The following PTPRD variants were observed in gnomAD, a reference collection of about 807,000 sequenced individuals.
PTPRD encodes the protein protein tyrosine phosphatase receptor type D, also known as receptor-type tyrosine-protein phosphatase delta.
In PTPRD, 34 loss-of-function variants were observed where a neutral mutation model predicts 214.5. That is an observed-to-expected ratio of 0.16 (90% CI 0.12 to 0.21). The LOEUF (loss-of-function observed/expected upper bound fraction) is 0.21, where lower values mean the gene tolerates loss of function less well. PTPRD is among the 10% of genes least tolerant of loss of function. PTPRD has a pLI of 1.00. For missense variants in PTPRD, 2,545 were observed against 2,398.7 expected (o/e 1.06, Z -1.27); for synonymous variants, 1,128 against 845.7 (o/e 1.33, Z -5.79).
intron 35 of PTPRD, among the ~76,000 whole-genome samples, chr9:8,430,991 A>G (rs1356590068): frequency 6.6e-6 from 1 of 152,194 alleles, no homozygotes; most frequent in African/African-American, 2.4e-5. Flanking sequence ...ATATTTTCTC[A>G]GCACTGAGCA....
chr9:10,377,544 G>GA (rs2097755439), intron 2 of PTPRD, among the ~76,000 whole-genome samples: 1 of 151,002 alleles, frequency 6.6e-6, no homozygotes, highest in African/African-American at 2.4e-5. Context: ...GGCGATGTTT[G>GA]TTTTTTTTGT....
chr9:8,724,043 T>C (rs1245540688), intron 12 of PTPRD, among the ~76,000 whole-genome samples: 1 of 152,200 alleles, frequency 6.6e-6, no homozygotes, highest in Admixed American at 6.5e-5. Flanking sequence ...GTAATGTCTT[T>C]TGTAGTAAGG....
At chr9:8,447,915 G>A (rs1455122202) in intron 34 of PTPRD, among the ~76,000 whole-genome samples, 1 of 152,178 alleles carries the variant, frequency 6.6e-6, no homozygotes, top group East Asian at 1.9e-4. Context: ...TTTACAGGGT[G>A]ATGAGGTAAG....
intron 35 of PTPRD, among the ~76,000 whole-genome samples, chr9:8,413,471 T>TA (rs891103018): frequency 2.0e-5 from 3 of 152,098 alleles, no homozygotes; most frequent in Non-Finnish European, 4.4e-5. Flanking sequence ...AATAATCACT[T>TA]AAAAAACTCT....
At chr9:9,190,469 A>G (rs2099934435) in intron 9 of PTPRD, among the ~76,000 whole-genome samples, 1 of 151,986 alleles carries the variant, frequency 6.6e-6, no homozygotes, top group South Asian at 2.1e-4. Flanking sequence ...CCATGTAAGA[A>G]GTGCCTTTCA....
intron 7 of PTPRD, among the ~76,000 whole-genome samples, chr9:9,687,479 T>A (rs557229918): frequency 6.6e-6 from 1 of 151,814 alleles, no homozygotes; most frequent in African/African-American, 2.4e-5. Flanking sequence ...ACACCAGTTA[T>A]GTTTTCTCTA....
intron 12 of PTPRD, among the ~76,000 whole-genome samples, chr9:8,668,920 T>C (rs1475213352): frequency 2.0e-5 from 3 of 152,084 alleles, no homozygotes; most frequent in Non-Finnish European, 4.4e-5. Flanking sequence ...GACCAAAATA[T>C]ACCAGAGCAG....
In PTPRD at chr9:10,353,322, A is replaced by G. The variant is rs545545933; in HGVS notation, c.-599-12305T>C. 8.5e-5 allele frequency among the ~76,000 whole-genome samples: 13 copies of G among 152,084 alleles called. No homozygotes were observed. In the South Asian group the frequency reaches 2.5e-3, roughly 29 times the overall value. On this transcript the variant is annotated intron_variant, in intron 2 of 45. Coordinates refer to ENST00000381196, the MANE Select transcript of PTPRD (RefSeq NM_002839.4). ...ATAATGGTCCTAGGATAAGAATGGA[A>G]CCACTAAGGACAAAATCTAATGCTT...
chr9:10,426,400 T>C (rs1266106103), intron 2 of PTPRD, among the ~76,000 whole-genome samples: 1 of 151,970 alleles, frequency 6.6e-6, no homozygotes, highest in African/African-American at 2.4e-5. Flanking sequence ...GCCCAAAAAT[T>C]TTCGAAGGAC....
intron 9 of PTPRD, among the ~76,000 whole-genome samples, chr9:9,187,512 T>C (rs929900562): frequency 6.6e-6 from 1 of 151,874 alleles, no homozygotes; most frequent in South Asian, 2.1e-4. Flanking sequence ...AATAAGAGAG[T>C]GTGATTTTAA....
At chr9:8,917,083 G>T (rs1159262678) in intron 11 of PTPRD, among the ~76,000 whole-genome samples, 6 of 132,394 alleles carry the variant, frequency 4.5e-5, no homozygotes, top group South Asian at 2.4e-4. Flanking sequence ...AATCCCCATT[G>T]TATAGGCAAT....
At chr9:9,002,818 C>T (rs1023971757) in intron 11 of PTPRD, among the ~76,000 whole-genome samples, 11 of 152,028 alleles carry the variant, frequency 7.2e-5, no homozygotes, top group African/African-American at 1.4e-4. Flanking sequence ...TGGAGCCCTG[C>T]TCATTGCACC....
At chr9:8,454,811 AGTGTGTGTGTGTGTGTGTGTGTGT>A (rs3043784) in intron 33 of PTPRD, among the ~76,000 whole-genome samples, 1 of 148,644 alleles carries the variant, frequency 6.7e-6, no homozygotes, top group Non-Finnish European at 1.5e-5. Context: ...CTGAATACAT[AGTGTGTGTGTGTGTGTGTGTGTGT>A]GTGTGTGTGT....
intron 5 of PTPRD, among the ~76,000 whole-genome samples, chr9:9,852,520 C>A (rs1410014120): frequency 1.3e-5 from 2 of 151,772 alleles, no homozygotes; most frequent in Non-Finnish European, 2.9e-5. Flanking sequence ...AAGTGAGAAA[C>A]CTGCTATAGT....
chr9:9,776,760 C>A lies in PTPRD; in HGVS notation c.-367-9909G>T, dbSNP rs981790. Among the ~76,000 whole-genome samples, 4,929 of 152,080 alleles carry A rather than the reference C, an allele frequency of 0.032. 532 individuals carry two copies. In the East Asian group the frequency reaches 0.38, roughly 12 times the overall value. On this transcript the variant is annotated intron_variant, in intron 5 of 45. Transcript: ENST00000381196. ...TTTTTTCAAAACCTTAAATTGAAAA[C>A]AAAAGGAAGATCAATATAGTCTCAT...
intron 2 of PTPRD, among the ~76,000 whole-genome samples, chr9:10,407,367 C>T (rs1323508): frequency 0.85 from 128,144 of 151,066 alleles, 54,510 homozygotes; most frequent in East Asian, 0.88. Flanking sequence ...CGAGAATATC[C>T]TCGTTTTCAT....
At chr9:9,624,996 T>G (rs1228964601) in intron 7 of PTPRD, among the ~76,000 whole-genome samples, 1 of 152,226 alleles carries the variant, frequency 6.6e-6, no homozygotes, top group African/African-American at 2.4e-5. Flanking sequence ...ACTTGCCTTG[T>G]GCCTACTGAT....
intron 10 of PTPRD, among the ~76,000 whole-genome samples, chr9:9,043,497 G>A (rs935937342): frequency 2.0e-5 from 3 of 152,086 alleles, no homozygotes; most frequent in South Asian, 4.1e-4. Context: ...AGGGAAAGAC[G>A]CCAATAAATA....
At chr9:9,700,018 G>C (rs1402631265) in intron 7 of PTPRD, among the ~76,000 whole-genome samples, 1 of 152,048 alleles carries the variant, frequency 6.6e-6, no homozygotes, top group Non-Finnish European at 1.5e-5. Context: ...GAAATGCTTG[G>C]ATTTGAATAA....
Sources: gnomAD v4.1 joint callset for allele counts (sites outside exome capture counted in the v4.1 genomes callset) on GRCh38, gnomAD v4.1.1 for gene constraint, MANE v1.5 for transcripts, NCBI Gene and HGNC (gene_info 2026-07-23, HGNC 2026-07-21) for gene names.